ATP10A: variants seen among roughly 807,000 people sequenced by gnomAD.
The protein encoded by ATP10A is phospholipid-transporting ATPase VA.
Under a neutral mutation model 147.8 loss-of-function variants are expected in ATP10A, and 111 were observed. The ratio of observed to expected loss-of-function variants is 0.75; its 90% CI spans 0.64 to 0.88. ATP10A has a LOEUF of 0.88. Among genes scored for constraint, ATP10A ranks in the 40% least tolerant of loss-of-function variants. The pLI, the probability that ATP10A is intolerant of heterozygous loss-of-function variation, is 0.00. For missense variants in ATP10A, 1,927 were observed against 1,959.0 expected (o/e 0.98, Z 0.31); for synonymous variants, 875 against 841.6 (o/e 1.04, Z -0.69).
At chr15:25,680,737 T>C (rs1899356386) in intron 19 of ATP10A, 73 bp downstream of exon 19, 8 of 1,412,404 alleles carry the variant, frequency 5.7e-6, no homozygotes, top group Non-Finnish European at 8.0e-6. Flanking sequence ...CCAGACCTCA[T>C]GAATCTGCAG....
At chr15:25,813,078 A>T (rs1891500090) in intron 1 of ATP10A, among the ~76,000 whole-genome samples, 1 of 152,182 alleles carries the variant, frequency 6.6e-6, no homozygotes, top group Non-Finnish European at 1.5e-5. Context: ...AGTGCCCCAG[A>T]AGGAGAGCTC....
rs1899720960 is a variant in ATP10A, at chr15:25,686,670, G to C, written c.3291+1033C>G. The stretch of plus-strand genomic sequence containing the variant: ...CCAGGTAGATTTATGGGACTACCTT[G>C]GAAGATCACTTACCCTAAGAGTTTA... On this transcript the variant is annotated intron_variant, in intron 16 of 20. Transcript: ENST00000555815. Among the ~76,000 whole-genome samples the C allele has an allele frequency of 1.9e-5, 2 of 107,398 alleles. 1 individual carries two copies. The highest frequency in any genetic ancestry group is 3.3e-5 in the Non-Finnish European group (2 of 59,704). 70.5% of individuals were successfully genotyped at this position (107,398 alleles called of 152,430 possible).
chr15:25,718,330 A>G lies in ATP10A; in HGVS notation c.1433T>C (p.Val478Ala), dbSNP rs994485222. The G allele has an allele frequency of 6.2e-6, 10 of 1,610,696 alleles. No individual in the cohort carries two copies. The highest frequency in any genetic ancestry group is 2.7e-5 in the African/African-American group (2 of 74,866). Reference sequence around the variant, plus strand: ...GCTGCCGATGCTGCCGCGCTGGGACACCGAGCCCCCTCTGGGCACCACCTC... The same window carrying G: ...GCTGCCGATGCTGCCGCGCTGGGACGCCGAGCCCCCTCTGGGCACCACCTC... ...EEEVVPRGGS[V>A]SQRGSIGSHQ... Residue 478 changes from valine to alanine, a missense_variant, in exon 8 of 21, where the codon GTG (valine) becomes GCG (alanine). Physicochemically the swap from Val to Ala is moderately conservative, Grantham distance 64. Coordinates refer to ENST00000555815, the MANE Select transcript of ATP10A (RefSeq NM_024490.4).
At chr15:25,772,625 A>C (rs1889395288) in intron 2 of ATP10A, among the ~76,000 whole-genome samples, 1 of 152,142 alleles carries the variant, frequency 6.6e-6, no homozygotes, top group Admixed American at 6.5e-5. Flanking sequence ...TTACCACACA[A>C]ATGAAAGGGC....
chr15:25,770,205 G>A (rs553522315), intron 2 of ATP10A, among the ~76,000 whole-genome samples: 52 of 151,036 alleles, frequency 3.4e-4, no homozygotes, highest in East Asian at 5.8e-4. Flanking sequence ...ACACGACCCG[G>A]GCGAGGTGGG....
rs951451602 is a variant in ATP10A at position 25,862,097 on chromosome 15, A to C, written c.449+551T>G. On this transcript the variant is annotated intron_variant, in intron 1 of 20. Transcript: ENST00000555815. ...GCCTGGCTCGCGGCTCATGGCTCACAGTGGAGGATGGACACTGCTGTTATT... is the reference window on the plus strand; with the variant it reads ...GCCTGGCTCGCGGCTCATGGCTCACCGTGGAGGATGGACACTGCTGTTATT... The C allele has an allele frequency of 8.7e-5, 29 of 332,932 alleles. 1 individual carries two copies. In the Admixed American group the frequency reaches 1.0e-3, roughly 12 times the overall value. 20.6% of individuals were successfully genotyped at this position (332,932 alleles called of 1,614,324 possible).
intron 1 of ATP10A, among the ~76,000 whole-genome samples, chr15:25,788,668 T>G (rs1466665569): frequency 6.6e-6 from 1 of 152,256 alleles, no homozygotes; most frequent in Non-Finnish European, 1.5e-5. Context: ...GTCTTTGATT[T>G]GTGGTTTGGA....
rs1212789745 is a variant in ATP10A, at chr15:25,863,010, G to A, written c.87C>T (p.Ser29=). 9 of 1,373,660 alleles carry A rather than the reference G, an allele frequency of 6.6e-6. No homozygotes were observed. Among genetic ancestry groups the A allele is most frequent in the Non-Finnish European group, 8.4e-6 (9 of 1,072,858 alleles). The allele number at this position is 1,373,660 out of a possible 1,614,324, so 85.1% of individuals were successfully genotyped here. A position where few individuals can be genotyped will look rare whatever the true frequency, so the allele number is the denominator to read the frequency against. ...RREGRTRTVR[S]NLLPPPGAED... ...CGGCGCCCGGGGGCGGCAGCAGGTT[G>A]GAGCGCACCGTGCGCGTCCTGCCCT... Residue 29 remains serine (S), a synonymous_variant, in exon 1 of 21, where the codon TCC becomes TCT. Transcript: ENST00000555815.
intron 1 of ATP10A, among the ~76,000 whole-genome samples, chr15:25,796,939 T>C (rs1890698849): frequency 6.6e-6 from 1 of 152,258 alleles, no homozygotes; most frequent in Admixed American, 6.5e-5. Flanking sequence ...CACTGTGGTA[T>C]GGTTAAATCA....
intron 1 of ATP10A, among the ~76,000 whole-genome samples, chr15:25,806,547 C>T (rs973745440): frequency 6.6e-6 from 1 of 152,070 alleles, no homozygotes; most frequent in Non-Finnish European, 1.5e-5. Flanking sequence ...CTCCTGACCT[C>T]GTGATCCGCC....
At position 25,686,743 on chromosome 15, in the gene ATP10A, C is replaced by A. The variant is rs1899722584; in HGVS notation, c.3291+960G>T. ...TCAGCCAAAAGCAGCAGCAGCCTAG[C>A]AACTCCTCAGTAAAATATCTAGAAA... On this transcript the variant is annotated intron_variant, in intron 16 of 20. Transcript: ENST00000555815. Among the ~76,000 whole-genome samples, 2 of 107,148 alleles carry A rather than the reference C, an allele frequency of 1.9e-5. 1 individual carries two copies. Among genetic ancestry groups the A allele is most frequent in the Non-Finnish European group, 3.4e-5 (2 of 59,646 alleles). 70.3% of individuals were successfully genotyped at this position (107,148 alleles called of 152,430 possible).
intron 12 of ATP10A, among the ~76,000 whole-genome samples, chr15:25,703,626 G>C (rs1402521714): frequency 6.6e-6 from 1 of 152,222 alleles, no homozygotes; most frequent in African/African-American, 2.4e-5. Flanking sequence ...TGGGATGGCA[G>C]GCATGGGGAG....
Position 25,727,176 on chromosome 15 carries a change from G to A in ATP10A, c.831C>T (p.Gly277=). The A allele has an allele frequency of 6.2e-7, 1 of 1,614,174 alleles. No homozygotes were observed. Among genetic ancestry groups the A allele is most frequent in the Middle Eastern group, 1.7e-4 (1 of 6,060 alleles). Residue 277 remains glycine (G), a synonymous_variant, in exon 4 of 21, where the codon GGC becomes GGT. Transcript: ENST00000555815. The part of the protein sequence containing the change: ...CTLRNTDAVV[G]IVIYAGHETK... ...CGAGCCTACCTGCGTAGATGACAATGCCGACGACTGCGTCCGTGTTCCTAA... is the reference window on the plus strand; with the variant it reads ...CGAGCCTACCTGCGTAGATGACAATACCGACGACTGCGTCCGTGTTCCTAA...
chr15:25,781,815 GA>G (rs1268620386), intron 1 of ATP10A, among the ~76,000 whole-genome samples: 3 of 152,214 alleles, frequency 2.0e-5, no homozygotes, highest in African/African-American at 7.2e-5. Context: ...AGGGCTGGGG[GA>G]AAAGGGAGTA....
intron 15 of ATP10A, among the ~76,000 whole-genome samples, chr15:25,690,820 A>C (rs981774952): frequency 1.8e-4 from 28 of 152,248 alleles, no homozygotes; most frequent in African/African-American, 6.5e-4. Context: ...TTCTGGAGGA[A>C]GAAAAAATGT....
At chr15:25,847,127 T>C (rs1567429264) in intron 1 of ATP10A, among the ~76,000 whole-genome samples, 1 of 152,250 alleles carries the variant, frequency 6.6e-6, no homozygotes, top group African/African-American at 2.4e-5. Context: ...TATCTGGTGT[T>C]AGACACTTTC....
downstream of ATP10A, among the ~76,000 whole-genome samples, chr15:25,673,547 C>G (rs1899082339): frequency 6.6e-6 from 1 of 152,216 alleles, no homozygotes; most frequent in African/African-American, 2.4e-5. Context: ...CTGGACCCGA[C>G]AGCTGGGGGA....
intron 1 of ATP10A, among the ~76,000 whole-genome samples, chr15:25,851,364 T>G (rs577908789): frequency 3.1e-4 from 46 of 146,160 alleles, no homozygotes; most frequent in African/African-American, 1.0e-3. Context: ...TTACTTTAGG[T>G]TTTTTTTTTT....
chr15:25,822,072 A>G (rs1229560445), intron 1 of ATP10A, among the ~76,000 whole-genome samples: 1 of 152,182 alleles, frequency 6.6e-6, no homozygotes, highest in Non-Finnish European at 1.5e-5. Context: ...CAGACTTTCA[A>G]TCATCTCTAG....
Sources: gnomAD v4.1 joint callset for allele counts (sites outside exome capture counted in the v4.1 genomes callset) on GRCh38, gnomAD v4.1.1 for gene constraint, MANE v1.5 for transcripts, NCBI Gene and HGNC (gene_info 2026-07-23, HGNC 2026-07-21) for gene names.